REDIC1: variants seen among roughly 807,000 people sequenced by gnomAD.
REDIC1 encodes regulator of DNA class I crossover intermediates 1.
the REDIC1 span, among the ~76,000 whole-genome samples, chr12:39,841,506 C>A: frequency 6.6e-6 from 1 of 151,914 alleles, no homozygotes; most frequent in Non-Finnish European, 1.5e-5. Flanking sequence ...TAGTTAAAAA[C>A]CTCAATTGTA....
the REDIC1 span, among the ~76,000 whole-genome samples, chr12:39,764,218 G>A: frequency 7.2e-5 from 11 of 152,028 alleles, no homozygotes; most frequent in Non-Finnish European, 1.6e-4. Context: ...TGAGTTGGGA[G>A]AGGGGTTGGG....
At chr12:39,868,218 T>A in the REDIC1 span, among the ~76,000 whole-genome samples, 2 of 152,206 alleles carry the variant, frequency 1.3e-5, no homozygotes, top group African/African-American at 4.8e-5. Flanking sequence ...TTCTTTATGT[T>A]TCAAGAGAAG....
At chr12:39,632,317 T>TG in the REDIC1 span, among the ~76,000 whole-genome samples, 2 of 151,862 alleles carry the variant, frequency 1.3e-5, no homozygotes, top group African/African-American at 4.8e-5. Context: ...AGGCTGGTCT[T>TG]GAACTCCTGA....
chr12:39,846,201 G>A, the REDIC1 span, among the ~76,000 whole-genome samples: 1 of 152,100 alleles, frequency 6.6e-6, no homozygotes, highest in East Asian at 1.9e-4. Context: ...AAACCAAGGT[G>A]GTGAATACTT....
the REDIC1 span, chr12:39,683,095 A>C: frequency 6.2e-7 from 1 of 1,610,766 alleles, no homozygotes. Context: ...TGATCTTAGT[A>C]CATCTTTTGA....
the REDIC1 span, chr12:39,626,466 A>G: frequency 7.0e-7 from 1 of 1,423,646 alleles, no homozygotes; most frequent in East Asian, 2.3e-5. Flanking sequence ...ACTTGGTAGG[A>G]AAGGGTCTTT....
chr12:39,692,179 A>G, the REDIC1 span: 2 of 1,318,124 alleles, frequency 1.5e-6, no homozygotes, highest in Non-Finnish European at 2.0e-6. Flanking sequence ...GAAATCAGTT[A>G]AATTTGAAGT....
chr12:39,702,553 GA>G, the REDIC1 span, among the ~76,000 whole-genome samples: 4 of 151,838 alleles, frequency 2.6e-5, no homozygotes, highest in Non-Finnish European at 4.4e-5. Context: ...CAATCAATAG[GA>G]AAAGAGGGAA....
the REDIC1 span, among the ~76,000 whole-genome samples, chr12:39,820,057 T>G: frequency 6.6e-6 from 1 of 152,188 alleles, no homozygotes; most frequent in African/African-American, 2.4e-5. Flanking sequence ...TATTTATGGG[T>G]TTGTCCATGC....
the REDIC1 span, among the ~76,000 whole-genome samples, chr12:39,748,553 T>A: frequency 1.3e-5 from 2 of 152,160 alleles, no homozygotes; most frequent in East Asian, 3.8e-4. Context: ...TGAACTCAGC[T>A]CTGCACCAAG....
the REDIC1 span, chr12:39,721,091 G>C: frequency 4.3e-6 from 7 of 1,613,770 alleles, no homozygotes; most frequent in Middle Eastern, 1.7e-4. Context: ...CAAACAGAGA[G>C]TGAATCTGTA....
At chr12:39,795,190 C>G in the REDIC1 span, among the ~76,000 whole-genome samples, 1 of 151,792 alleles carries the variant, frequency 6.6e-6, no homozygotes, top group African/African-American at 2.4e-5. Context: ...TGATCTCCCC[C>G]CACCTCTCTC....
the REDIC1 span, among the ~76,000 whole-genome samples, chr12:39,713,003 GTATATATACATGTGTATATACGTGTA>G: frequency 7.3e-6 from 1 of 137,838 alleles, no homozygotes. Flanking sequence ...ACGTGTATAT[GTATATATACATGTGTATATACGTGTA>G]TATGTATATA....
chr12:39,732,861 G>T, the REDIC1 span, among the ~76,000 whole-genome samples: 4 of 151,984 alleles, frequency 2.6e-5, no homozygotes, highest in Non-Finnish European at 5.9e-5. Context: ...TAGCTTCCTT[G>T]CTGTCTGGCA....
At chr12:39,627,854 A>G in the REDIC1 span, among the ~76,000 whole-genome samples, 3 of 152,218 alleles carry the variant, frequency 2.0e-5, no homozygotes, top group Non-Finnish European at 4.4e-5. Flanking sequence ...AAGAACAAAG[A>G]AAAGGGTGGG....
At chr12:39,703,953 G>T in the REDIC1 span, among the ~76,000 whole-genome samples, 5 of 152,070 alleles carry the variant, frequency 3.3e-5, no homozygotes, top group Non-Finnish European at 7.4e-5. Context: ...TTAAACGTTA[G>T]ACCTAAAACC....
the REDIC1 span, among the ~76,000 whole-genome samples, chr12:39,713,859 A>G: frequency 2.0e-5 from 3 of 147,398 alleles, no homozygotes; most frequent in East Asian, 2.0e-4. Context: ...GCATATATAC[A>G]TACATATATA....
the REDIC1 span, among the ~76,000 whole-genome samples, chr12:39,775,148 A>G: frequency 1.3e-5 from 2 of 152,232 alleles, no homozygotes; most frequent in East Asian, 3.8e-4. Flanking sequence ...TAGATAGAGA[A>G]TTAGAAACCA....
At chr12:39,631,421 G>A in the REDIC1 span, among the ~76,000 whole-genome samples, 6 of 151,724 alleles carry the variant, frequency 4.0e-5, no homozygotes, top group African/African-American at 1.5e-4. Flanking sequence ...ATTGTGACTA[G>A]TACAAAGGTT....
Sources: gnomAD v4.1 joint callset for allele counts (sites outside exome capture counted in the v4.1 genomes callset) on GRCh38, gnomAD v4.1.1 for gene constraint, MANE v1.5 for transcripts, NCBI Gene and HGNC (gene_info 2026-07-23, HGNC 2026-07-21) for gene names.